PNISR: variants seen among roughly 807,000 people sequenced by gnomAD.
PNISR encodes PNN interacting serine and arginine rich protein.
PNISR carries 20 observed loss-of-function variants against 93.4 expected under a neutral mutation model. That is an observed-to-expected ratio of 0.21 (90% CI 0.15 to 0.31). The LOEUF is 0.31. Among genes scored for constraint, PNISR ranks in the 10% least tolerant of loss-of-function variants. The pLI is 1.00. For missense variants in PNISR, 893 were observed against 985.4 expected, an observed-to-expected ratio of 0.91 and a Z score of 1.25; for synonymous variants, 305 against 306.5, an observed-to-expected ratio of 0.99 and a Z score of 0.05.
intron 1 of PNISR, among the ~76,000 whole-genome samples, chr6:99,422,694 C>T (rs1203534908): frequency 2.6e-5 from 4 of 151,996 alleles, no homozygotes; most frequent in South Asian, 2.1e-4. Context: ...GCCAACATGG[C>T]GAAACCTCCA....
intron 10 of PNISR, 95 bp downstream of exon 10, chr6:99,403,734 T>TACTC (rs1349511754): frequency 1.2e-6 from 1 of 849,750 alleles, no homozygotes; most frequent in African/African-American, 1.7e-5. Context: ...ATAAACTGAG[T>TACTC]AGGACTAATA....
chr6:99,413,536 G>A (rs1044945459), intron 3 of PNISR, among the ~76,000 whole-genome samples: 21 of 151,828 alleles, frequency 1.4e-4, no homozygotes, highest in African/African-American at 4.8e-4. Context: ...ATGTTGCCCC[G>A]GCTGGCCTCA....
At chr6:99,412,430 C>T (rs1777065259) in intron 4 of PNISR, 121 bp downstream of exon 4, 2 of 750,038 alleles carry the variant, frequency 2.7e-6, no homozygotes, top group South Asian at 1.5e-5. Context: ...TTGAAAACTG[C>T]CTATTCTTTA....
chr6:99,404,723 C>T lies in PNISR; in HGVS notation c.1003-21G>A, dbSNP rs201009602. ...AACATCTAAAAAAGAGCATTTTATA[C>T]AGTATTTCTAATTATTATAGCTACT... On this transcript the variant is annotated intron_variant, in intron 8 of 11. Transcript: ENST00000369239. 5.9e-6 allele frequency: 7 copies of T among 1,191,710 alleles called. No homozygotes were observed. In the African/African-American group the frequency reaches 1.1e-4, roughly 18 times the overall value. 73.8% of individuals were successfully genotyped at this position (1,191,710 alleles called of 1,614,324 possible).
intron 9 of PNISR, chr6:99,404,143 T>A (rs777132921): frequency 2.2e-6 from 1 of 448,402 alleles, no homozygotes; most frequent in Non-Finnish European, 3.9e-6. Flanking sequence ...TTATGACATG[T>A]AACTTAATTT....
Position 99,409,364 on chromosome 6 carries a change from T to C in PNISR, c.502-20A>G, listed in dbSNP as rs771371661. On this transcript the variant is annotated intron_variant, in intron 5 of 11. Transcript: ENST00000369239. ...CCCATGCTGAAAGAGTATTGCAGTT[T>C]ATTTTTTCTTCAAATTAATACAATA... 1.9e-6 allele frequency: 3 copies of C among 1,609,092 alleles called. 1 individual carries two copies. The highest frequency in any genetic ancestry group is 3.3e-4 in the Middle Eastern group (2 of 6,024).
chr6:99,418,599 T>G (rs1232843872), intron 1 of PNISR, among the ~76,000 whole-genome samples: 2 of 152,140 alleles, frequency 1.3e-5, no homozygotes, highest in Admixed American at 1.3e-4. Flanking sequence ...TTCCCCAAAG[T>G]TTTGATGGAA....
chr6:99,402,169 C>T (rs1775588954), intron 11 of PNISR, among the ~76,000 whole-genome samples: 1 of 152,156 alleles, frequency 6.6e-6, no homozygotes, highest in Admixed American at 6.6e-5. Context: ...TAAATTTTCT[C>T]TTTTGTTATT....
At chr6:99,421,058 T>C (rs1778489090) in intron 1 of PNISR, among the ~76,000 whole-genome samples, 2 of 152,232 alleles carry the variant, frequency 1.3e-5, no homozygotes, top group Admixed American at 6.5e-5. Flanking sequence ...CAAAAATTGA[T>C]TCCAATTTAT....
chr6:99,403,539 CATAT>C (rs1413550461), intron 10 of PNISR: 3 of 185,510 alleles, frequency 1.6e-5, no homozygotes, highest in Non-Finnish European at 1.1e-5. Flanking sequence ...TATAGGTGTT[CATAT>C]ATAATTATAT....
In PNISR at chr6:99,402,416, T is replaced by G. The variant is rs993036308; in HGVS notation, c.1327+124A>C. On this transcript the variant is annotated intron_variant, in intron 11 of 11. Transcript: ENST00000369239. ...CCAAACAAAAATTGTGACTTTAGTT[T>G]CAGTTATATCACATATTATTTATAA... The G allele has an allele frequency of 1.1e-5, 8 of 706,466 alleles. No homozygotes were observed. The African/African-American group carries it at 1.3e-4, about 11-fold the overall frequency. 43.8% of individuals were successfully genotyped at this position (706,466 alleles called of 1,614,324 possible).
chr6:99,403,854 A>T lies in PNISR; in HGVS notation c.1131T>A (p.Ser377Arg), dbSNP rs1266451594. 2.5e-6 allele frequency: 4 copies of T among 1,613,760 alleles called. No homozygotes were observed. Among genetic ancestry groups the T allele is most frequent in the Non-Finnish European group, 3.4e-6 (4 of 1,179,788 alleles). The change falls in exon 10 of 12, where the codon AGT becomes AGA. Residue 377 changes from serine (S) to arginine (R), a missense_variant. Physicochemically the swap from Ser to Arg is moderately radical, Grantham distance 110. Around this residue, in one of 3 missense-constraint regions of PNISR, gnomAD observed 866 missense variants for 935.1 expected, o/e 0.93. Transcript: ENST00000369239. ...CGAGTCCAGTGAGGGAAGCCAGTGC[A>T]CTGGACTGTGCCAGCTGTTTTGCAG... The part of the protein sequence containing the change: ...KAPAKQLAQS[S>R]ALASLTGLGG...
chr6:99,401,608 C>G lies in PNISR; in HGVS notation c.1350G>C (p.Arg450Ser). 1 of 1,544,550 alleles carries G rather than the reference C, an allele frequency of 6.5e-7. No homozygotes were observed. Among genetic ancestry groups the G allele is most frequent in the Non-Finnish European group, 8.7e-7 (1 of 1,150,692 alleles). Residue 450 changes from arginine (R) to serine (S), a missense_variant, in exon 12 of 12, where the codon AGG (arginine) becomes AGC (serine). Coordinates refer to ENST00000369239, the MANE Select transcript of PNISR (RefSeq NM_032870.4). ...QMEEEKQQTE[R>S]VTKEMNEFIH... ...TAAATTCATTCATCTCTTTTGTAACCCTTTCTGTTTGCTGCTTTTCTTCTG... is the reference window on the plus strand; with the variant it reads ...TAAATTCATTCATCTCTTTTGTAACGCTTTCTGTTTGCTGCTTTTCTTCTG...
chr6:99,407,373 C>G (rs1776297970), intron 7 of PNISR, among the ~76,000 whole-genome samples: 1 of 150,916 alleles, frequency 6.6e-6, no homozygotes, highest in African/African-American at 2.4e-5. Context: ...TTAGCAGTGT[C>G]TTTCTGTTGC....
chr6:99,413,437 T>TCCA (rs1464322113), intron 3 of PNISR, among the ~76,000 whole-genome samples: 19 of 149,226 alleles, frequency 1.3e-4, no homozygotes, highest in African/African-American at 4.8e-4. Flanking sequence ...CATCCATCCA[T>TCCA]TCATCCATGA....
chr6:99,416,198 T>C (rs1163338254), intron 2 of PNISR, 151 bp downstream of exon 2: 1 of 389,308 alleles, frequency 2.6e-6, no homozygotes. Context: ...CTTTTTGTCC[T>C]GTCCAGTTTC....
At chr6:99,404,509 G>C (rs762766153) in intron 9 of PNISR, 94 bp downstream of exon 9, 1 of 754,824 alleles carries the variant, frequency 1.3e-6, no homozygotes, top group Non-Finnish European at 2.5e-6. Flanking sequence ...CAAATATCTG[G>C]TAGAAATCCA....
At chr6:99,407,053 C>T (rs1450716182) in intron 7 of PNISR, among the ~76,000 whole-genome samples, 1 of 151,942 alleles carries the variant, frequency 6.6e-6, no homozygotes, top group Non-Finnish European at 1.5e-5. Context: ...GACAGAGTGG[C>T]TAATGTCTGT....
At chr6:99,421,537 A>T (rs140470823) in intron 1 of PNISR, among the ~76,000 whole-genome samples, 61 of 152,366 alleles carry the variant, frequency 4.0e-4, no homozygotes. Flanking sequence ...ACATGACCAC[A>T]GTGGTACAGA....
Sources: gnomAD v4.1 joint callset for allele counts (sites outside exome capture counted in the v4.1 genomes callset) on GRCh38, gnomAD v4.1.1 for gene constraint, gnomAD v4.1.1 regional missense constraint, MANE v1.5 for transcripts, NCBI Gene and HGNC (gene_info 2026-07-23, HGNC 2026-07-21) for gene names.